PARP1: variants seen among roughly 807,000 people sequenced by gnomAD.
The protein encoded by PARP1 is poly [ADP-ribose] polymerase 1.
In PARP1, 44 loss-of-function variants were observed where a neutral mutation model predicts 118.7. The observed-to-expected ratio is 0.37, with a 90% CI of 0.29 to 0.48. The LOEUF is 0.48. Among genes scored for constraint, PARP1 ranks in the 20% least tolerant of loss-of-function variants. PARP1 has a pLI of 0.99. For synonymous variants in PARP1, 492 were observed against 483.2 expected, an observed-to-expected ratio of 1.02 and a Z score of -0.24; for missense variants, 1,100 against 1,272.4, an observed-to-expected ratio of 0.86 and a Z score of 2.06.
At position 226,366,043 on chromosome 1, in the gene PARP1, T is replaced by C. The variant is rs1664259902; in HGVS notation, c.2416A>G (p.Arg806Gly). 1.2e-6 allele frequency: 2 copies of C among 1,610,516 alleles called. No individual in the cohort carries two copies. Among genetic ancestry groups the C allele is most frequent in the Non-Finnish European group, 1.7e-6 (2 of 1,176,708 alleles). ...ATGATCTCGGCTTCTTCAGAATCTC[T>C]GTCAACCACCTGGATAAACAGAATC... ...KLKTDIKVVD[R>G]DSEEAEIIRK... The change falls in exon 18 of 23, where the codon AGA (arginine) becomes GGA (glycine). Residue 806 changes from arginine to glycine, a missense_variant. By Grantham distance (125) the Arg-to-Gly change is moderately radical (BLOSUM62 -2). Coordinates refer to ENST00000366794, the MANE Select transcript of PARP1 (RefSeq NM_001618.4).
In PARP1 at chr1:226,386,188, AACC is replaced by A. The variant is rs983341235; in HGVS notation, c.834+135_834+137del. On this transcript the variant is annotated intron_variant, in intron 6 of 22. Transcript: ENST00000366794. The stretch of plus-strand genomic sequence containing the variant: ...GATGGTGGTGATGACCGTGCAACAC[AACC>A]ACGATTTATACTCCTTGCAATTAAT... The A allele has an allele frequency of 8.8e-5, 62 of 707,024 alleles. No homozygotes were observed. In the African/African-American group the frequency reaches 9.6e-4, roughly 11 times the overall value. 43.8% of individuals were successfully genotyped at this position (707,024 alleles called of 1,614,324 possible).
intron 1 of PARP1, 134 bp downstream of exon 1, chr1:226,407,658 GAGGAGGGGCGGCCGCGGC>G: frequency 1.5e-6 from 1 of 658,984 alleles, no homozygotes; most frequent in Non-Finnish European, 2.2e-6. Context: ...GGCCGCTCGG[GAGGAGGGGCGGCCGCGGC>G]CCCATAGGCC....
At chr1:226,399,366 G>T (rs145942003) in intron 2 of PARP1, among the ~76,000 whole-genome samples, 1 of 152,124 alleles carries the variant, frequency 6.6e-6, no homozygotes, top group African/African-American at 2.4e-5. Flanking sequence ...CACCGTGCCC[G>T]GCTCGACATG....
chr1:226,365,865 G>T, intron 18 of PARP1, 89 bp downstream of exon 18: 1 of 806,770 alleles, frequency 1.2e-6, no homozygotes, highest in Non-Finnish European at 2.2e-6. Context: ...TAAATAAACT[G>T]CTCTTTTCTA....
intron 14 of PARP1, chr1:226,371,260 A>C (rs952411157): frequency 6.5e-6 from 1 of 153,028 alleles, no homozygotes; most frequent in East Asian, 1.9e-4. Context: ...TGGGCCCCAC[A>C]CTCTGTATCC....
intron 19 of PARP1, among the ~76,000 whole-genome samples, chr1:226,364,786 A>G (rs1664223883): frequency 6.6e-6 from 1 of 152,264 alleles, no homozygotes; most frequent in South Asian, 2.1e-4. Flanking sequence ...TAGCATCTGC[A>G]GCAGGCCCTG....
At chr1:226,401,310 G>GT (rs1665031338) in intron 2 of PARP1, among the ~76,000 whole-genome samples, 1 of 152,258 alleles carries the variant, frequency 6.6e-6, no homozygotes, top group Admixed American at 6.5e-5. Flanking sequence ...TGAGGCAGCA[G>GT]TGTTATGGCT....
chr1:226,373,607 G>A (rs1664435889), intron 14 of PARP1, among the ~76,000 whole-genome samples: 1 of 152,184 alleles, frequency 6.6e-6, no homozygotes, highest in Non-Finnish European at 1.5e-5. Flanking sequence ...GCCCTGGACA[G>A]AAGCATGACT....
chr1:226,372,567 C>A (rs781245896), intron 14 of PARP1, among the ~76,000 whole-genome samples: 3 of 152,020 alleles, frequency 2.0e-5, no homozygotes, highest in African/African-American at 7.3e-5. Context: ...CCCAGCTACT[C>A]GGGAGGCTGA....
At chr1:226,385,386 G>A in intron 7 of PARP1, 118 bp downstream of exon 7, 4 of 833,544 alleles carry the variant, frequency 4.8e-6, no homozygotes, top group South Asian at 1.4e-5. Context: ...TGACGCAGCT[G>A]TAAAGAAGTC....
chr1:226,363,340 G>T (rs1664190200), intron 20 of PARP1, among the ~76,000 whole-genome samples, 180 bp from the exon 21 acceptor site: 1 of 152,214 alleles, frequency 6.6e-6, no homozygotes, highest in South Asian at 2.1e-4. Context: ...TGAAACTGCA[G>T]TTGCGGCTGA....
chr1:226,407,729 C>G (rs1163859433), intron 1 of PARP1, 81 bp downstream of exon 1: 9 of 1,418,680 alleles, frequency 6.3e-6, no homozygotes, highest in Non-Finnish European at 8.5e-6. Context: ...GCTCCCTGGG[C>G]CCGCCCTCCC....
At position 226,407,955 on chromosome 1, in the gene PARP1, C is replaced by G. The variant is rs755108904; in HGVS notation, c.-26G>C. 3 of 1,611,708 alleles carry G rather than the reference C, an allele frequency of 1.9e-6. No individual in the cohort carries two copies. Among genetic ancestry groups the G allele is most frequent in the Non-Finnish European group, 2.5e-6 (3 of 1,178,884 alleles). ...CCTCCCCTAGCTGCCGCCAAAGCTC[C>G]GGAAGCCCGACGCCACGACCTAGAA... On this transcript the variant is annotated 5_prime_UTR_variant, in exon 1 of 23. Transcript: ENST00000366794.
chr1:226,368,251 T>TG lies in PARP1; in HGVS notation c.2224dup (p.His742ProfsTer25). ...CGGAGGCTTCTTCATCCCAAAGTCGTGGGGGATCAGGGTGTAAAAGCGATT... is the reference window on the plus strand; with the variant it reads ...CGGAGGCTTCTTCATCCCAAAGTCGTGGGGGGATCAGGGTGTAAAAGCGATT... On this transcript the variant is annotated frameshift_variant, in exon 16 of 23. Transcript: ENST00000366794. LOFTEE classifies it high-confidence loss of function. 1 of 1,614,168 alleles carries TG rather than the reference T, an allele frequency of 6.2e-7. No homozygotes were observed. The highest frequency in any genetic ancestry group is 8.5e-7 in the Non-Finnish European group (1 of 1,180,016).
intron 15 of PARP1, among the ~76,000 whole-genome samples, chr1:226,369,123 T>C (rs1664327434): frequency 6.6e-6 from 1 of 152,246 alleles, no homozygotes; most frequent in African/African-American, 2.4e-5. Flanking sequence ...TGAAGACTAT[T>C]GCATGGGAAG....
At chr1:226,381,347 G>A (rs1367722192) in intron 8 of PARP1, 139 bp from the exon 9 acceptor site, 2 of 924,142 alleles carry the variant, frequency 2.2e-6, no homozygotes, top group Middle Eastern at 2.8e-4. Context: ...AAAACAGGAC[G>A]GGACAGCAAG....
Position 226,380,036 on chromosome 1 carries a change from T to A in PARP1, c.1429A>T (p.Ile477Phe). 3 of 1,614,222 alleles carry A rather than the reference T, an allele frequency of 1.9e-6. No homozygotes were observed. Among genetic ancestry groups the A allele is most frequent in the Non-Finnish European group, 2.5e-6 (3 of 1,180,038 alleles). Residue 477 changes from isoleucine to phenylalanine, a missense_variant, in exon 10 of 23, where the codon ATC (isoleucine) becomes TTC (phenylalanine). Around this residue, in one of 2 missense-constraint regions of PARP1, gnomAD observed 948 missense variants for 1,031.8 expected, o/e 0.92. Transcript: ENST00000366794. ...ACCTCTGCCCCCCAAGGGGACAAGATGTGCGCTAAGAACAACTCCTGAAGG... is the reference window on the plus strand; with the variant it reads ...ACCTCTGCCCCCCAAGGGGACAAGAAGTGCGCTAAGAACAACTCCTGAAGG... ...KSLQELFLAH[I>F]LSPWGAEVKA...
rs532590588 is a variant in PARP1 at position 226,390,310 on chromosome 1, C to T, written c.617+100G>A. ...ATCTCCCTGGCTTACTGACAGTCAG[C>T]GAAGGGAAACAGAGGAGTGGTATGG... On this transcript the variant is annotated intron_variant, in intron 4 of 22. Coordinates refer to ENST00000366794, the MANE Select transcript of PARP1 (RefSeq NM_001618.4). The T allele has an allele frequency of 3.1e-5, 32 of 1,028,018 alleles. No homozygotes were observed. In the East Asian group the frequency reaches 6.7e-4, roughly 21 times the overall value. The allele number at this position is 1,028,018 out of a possible 1,614,324, so 63.7% of individuals were successfully genotyped here.
chr1:226,388,874 A>G, intron 4 of PARP1, 119 bp from the exon 5 acceptor site: 1 of 809,524 alleles, frequency 1.2e-6, no homozygotes, highest in Non-Finnish European at 2.2e-6. Context: ...GCCTACTCAC[A>G]CTTGTCACTC....
Sources: gnomAD v4.1 joint callset for allele counts (sites outside exome capture counted in the v4.1 genomes callset) on GRCh38, gnomAD v4.1.1 for gene constraint, gnomAD v4.1.1 regional missense constraint, MANE v1.5 for transcripts, NCBI Gene and HGNC (gene_info 2026-07-23, HGNC 2026-07-21) for gene names.